Variants in TPR observed in about 807,000 individuals in gnomAD.
The protein encoded by TPR is nucleoprotein TPR.
Under a neutral mutation model 316.1 loss-of-function variants are expected in TPR, and 51 were observed. That is an observed-to-expected ratio of 0.16 (90% confidence interval 0.13 to 0.20). The LOEUF (loss-of-function observed/expected upper bound fraction) is 0.20. TPR is among the 10% of genes least tolerant of loss of function. The probability of loss-of-function intolerance (pLI) is 1.00; values close to 1 mark genes in which losing one functional copy is unlikely to be tolerated. For synonymous variants in TPR, 981 were observed against 914.7 expected (o/e 1.07, Z -1.31); for missense variants, 2,272 against 2,754.8 (o/e 0.82, Z 3.92).
Position 186,314,633 on chromosome 1 carries a change from C to G in TPR, c.7032G>C (p.Gln2344His), listed in dbSNP as rs1284062581. The G allele has an allele frequency of 1.9e-6, 3 of 1,606,520 alleles. No individual in the cohort carries two copies. The highest frequency in any genetic ancestry group is 1.7e-5 in the Admixed American group (1 of 59,020). ...CCAGTTATGTCAGAAATTCACCTCT[C>G]TGTCTGTTAAACTGACGACCACGGA... ...QGVRGRQFNR[Q>H]RGVSHAMGGR... Residue 2344 changes from glutamine to histidine, a missense_variant, in exon 50 of 51, where the codon CAG (glutamine) becomes CAC (histidine). By Grantham distance (24) the Gln-to-His change is conservative. Coordinates refer to ENST00000367478, the MANE Select transcript of TPR (RefSeq NM_003292.3).
chr1:186,327,886 G>A (rs563341062), intron 39 of TPR, among the ~76,000 whole-genome samples: 3 of 151,844 alleles, frequency 2.0e-5, no homozygotes, highest in Admixed American at 6.6e-5. Context: ...GGGTTCAAGC[G>A]ACTCTCCTGC....
Position 186,323,807 on chromosome 1 carries a change from G to T in TPR, c.6176C>A (p.Pro2059Gln), listed in dbSNP as rs771952943. The change falls in exon 43 of 51, where the codon CCA becomes CAA. Residue 2059 changes from proline (P) to glutamine (Q), a missense_variant. Physicochemically the swap from Pro to Gln is moderately conservative, Grantham distance 76. Around this residue, in one of 10 missense-constraint regions of TPR, gnomAD observed 435 missense variants for 461.1 expected, o/e 0.94. Coordinates refer to ENST00000367478, the MANE Select transcript of TPR (RefSeq NM_003292.3). ...GGCCTGTCTTTCAGATGCTGATGAT[G>T]GCTGTTGTTCTCTAGAAACCTCCTG... is the stretch of plus-strand genomic sequence containing the variant. ...FSQEVSREQQ[P>Q]SSASERQAPR... 51 of 1,556,700 alleles carry T rather than the reference G, an allele frequency of 3.3e-5. No homozygotes were observed. Among genetic ancestry groups the T allele is most frequent in the Middle Eastern group, 3.4e-4 (2 of 5,884 alleles).
rs543320998 is a variant in TPR at position 186,349,943 on chromosome 1, T to C, written c.2776+280A>G. On this transcript the variant is annotated intron_variant, in intron 21 of 50. Coordinates refer to ENST00000367478, the MANE Select transcript of TPR (RefSeq NM_003292.3). ...AAATAACCCTCTTCAGAAAGAATAA[T>C]TTTTAAAGTATCAATAAATAGTTTC... Among the ~76,000 whole-genome samples the C allele has an allele frequency of 3.1e-3, 473 of 152,280 alleles. 5 individuals carry two copies. The highest frequency in any genetic ancestry group is 5.4e-3 in the Non-Finnish European group (370 of 68,006).
chr1:186,350,379 A>G lies in TPR; in HGVS notation c.2620T>C (p.Leu874=), dbSNP rs182497691. Residue 874 remains leucine (L), a synonymous_variant, in exon 21 of 51, where the codon TTA becomes CTA. Transcript: ENST00000367478. ...GTATCCAGTTGTCTCTTTGTATCTA[A>G]AAGTTGAACCTATAAAATACATTAA... ...TLTRNLDVQL[L]DTKRQLDTET... 35 of 1,596,444 alleles carry G rather than the reference A, an allele frequency of 2.2e-5. 1 individual carries two copies. The African/African-American group carries it at 4.5e-4, about 20-fold the overall frequency.
chr1:186,372,360 G>A (rs1213635977), intron 2 of TPR, among the ~76,000 whole-genome samples: 5 of 152,166 alleles, frequency 3.3e-5, no homozygotes, highest in Admixed American at 2.6e-4. Context: ...TGGCCAACAT[G>A]GCGAACCACT....
At chr1:186,326,004 T>A in intron 41 of TPR, 100 bp downstream of exon 41, 1 of 1,564,070 alleles carries the variant, frequency 6.4e-7, no homozygotes. Context: ...CAACCAAAGG[T>A]TTTAGTGAAT....
chr1:186,344,707 A>G (rs1658625159), intron 24 of TPR, 129 bp from the exon 25 acceptor site: 1 of 662,110 alleles, frequency 1.5e-6, no homozygotes. Context: ...TAGCAAAATA[A>G]GAAAATAATT....
At chr1:186,344,138 TA>T in intron 25 of TPR, 48 bp from the exon 26 acceptor site, 5 of 1,559,800 alleles carry the variant, frequency 3.2e-6, no homozygotes, top group South Asian at 1.2e-5. Context: ...AATGCATATT[TA>T]AAAAAAACAA....
chr1:186,374,854 G>C (rs1659661082), intron 1 of TPR, 24 bp downstream of exon 1: 1 of 1,576,276 alleles, frequency 6.3e-7, no homozygotes, highest in South Asian at 1.1e-5. Context: ...CCAAAACCAA[G>C]GACGGAAAGA....
chr1:186,352,040 C>T lies in TPR; in HGVS notation c.2405G>A (p.Arg802Lys). 1 of 1,610,212 alleles carries T rather than the reference C, an allele frequency of 6.2e-7. No homozygotes were observed. The highest frequency in any genetic ancestry group is 8.5e-7 in the Non-Finnish European group (1 of 1,178,578). ...CCTTTGTTCAGCTAACAAAGACTCT[C>T]TTTGCTGAGAAAGACGAACTTCAGA... ...KLSEVRLSQQ[R>K]ESLLAEQRGQ... The change falls in exon 19 of 51, where the codon AGA becomes AAA. Residue 802 changes from arginine to lysine, a missense_variant. Transcript: ENST00000367478.
chr1:186,317,675 C>T, intron 48 of TPR, 75 bp from the exon 49 acceptor site: 2 of 1,351,266 alleles, frequency 1.5e-6, no homozygotes, highest in South Asian at 2.5e-5. Flanking sequence ...TCTTTTAAAT[C>T]TATTTTATCA....
intron 10 of TPR, 33 bp downstream of exon 10, chr1:186,360,732 T>C (rs1323718262): frequency 6.2e-7 from 1 of 1,610,464 alleles, no homozygotes; most frequent in Non-Finnish European, 8.5e-7. Flanking sequence ...GCTGTAGTAT[T>C]TCAACTCACT....
At chr1:186,353,658 T>C in intron 18 of TPR, 30 bp downstream of exon 18, 1 of 1,596,884 alleles carries the variant, frequency 6.3e-7, no homozygotes, top group Non-Finnish European at 8.5e-7. Context: ...CAACTTATAA[T>C]GCAAGTTGGA....
chr1:186,312,126 G>T lies in TPR; in HGVS notation c.*1845C>A, dbSNP rs755088130. ...AAGTTGTTTTCCACCTTTTCTGAGG[G>T]TATTAAAATTAATTTTCATTTTCCA... is the stretch of plus-strand genomic sequence containing the variant. On this transcript the variant is annotated 3_prime_UTR_variant, in exon 51 of 51. Coordinates refer to ENST00000367478, the MANE Select transcript of TPR (RefSeq NM_003292.3). 1 of 1,537,832 alleles carries T rather than the reference G, an allele frequency of 6.5e-7. No homozygotes were observed. Among genetic ancestry groups the T allele is most frequent in the East Asian group, 2.3e-5 (1 of 44,260 alleles).
intron 21 of TPR, among the ~76,000 whole-genome samples, chr1:186,349,997 G>A (rs1010157877): frequency 6.6e-6 from 1 of 152,128 alleles, no homozygotes; most frequent in Non-Finnish European, 1.5e-5. Flanking sequence ...TACATACCTT[G>A]ATCAAATGCC....
At chr1:186,363,909 A>G (rs1213871605) in intron 4 of TPR, among the ~76,000 whole-genome samples, 1 of 152,110 alleles carries the variant, frequency 6.6e-6, no homozygotes, top group South Asian at 2.1e-4. Flanking sequence ...ATTAAACCAT[A>G]ACTGCATAAA....
rs1658970617 is a variant in TPR at position 186,354,662 on chromosome 1, A to C, written c.2171+748T>G. Among the ~76,000 whole-genome samples the C allele has an allele frequency of 2.0e-5, 3 of 152,222 alleles. No homozygotes were observed. In the South Asian group the frequency reaches 6.2e-4, roughly 32 times the overall value. On this transcript the variant is annotated intron_variant, in intron 17 of 50. Coordinates refer to ENST00000367478, the MANE Select transcript of TPR (RefSeq NM_003292.3). The stretch of plus-strand genomic sequence containing the variant: ...AACTAACAAGCATTCAATGAATTTA[A>C]TAACAAATAATCATGAAATATTTAT...
At position 186,327,513 on chromosome 1, in the gene TPR, T is replaced by C. The variant is rs1411613057; in HGVS notation, c.5836A>G (p.Ile1946Val). 6.2e-7 allele frequency: 1 copy of C among 1,611,002 alleles called. No homozygotes were observed. The highest frequency in any genetic ancestry group is 1.1e-5 in the South Asian group (1 of 90,970). ...GQGKGDDVIV[I>V]DSDDEEEDDD... ...TCCTCTTCTTCATCATCACTGTCAA[T>C]TACAATGACATCATCTCCTTTGCCT... is the stretch of plus-strand genomic sequence containing the variant. Residue 1946 changes from isoleucine to valine, a missense_variant, in exon 40 of 51, where the codon ATT becomes GTT. By Grantham distance (29) the Ile-to-Val change is conservative (BLOSUM62 3). Coordinates refer to ENST00000367478, the MANE Select transcript of TPR (RefSeq NM_003292.3).
chr1:186,320,692 C>T (rs1050528987), intron 45 of TPR, among the ~76,000 whole-genome samples: 2 of 152,144 alleles, frequency 1.3e-5, no homozygotes, highest in Non-Finnish European at 2.9e-5. Flanking sequence ...TCTTGAATGT[C>T]TCAGATATCC....
Sources: gnomAD v4.1 joint callset for allele counts (sites outside exome capture counted in the v4.1 genomes callset) on GRCh38, gnomAD v4.1.1 for gene constraint, gnomAD v4.1.1 regional missense constraint, MANE v1.5 for transcripts, NCBI Gene and HGNC (gene_info 2026-07-23, HGNC 2026-07-21) for gene names.